LPCAT2: variants seen among roughly 807,000 people sequenced by gnomAD.
The protein encoded by LPCAT2 is lysophosphatidylcholine acyltransferase 2, also known as 1-AGP acyltransferase 11.
LPCAT2 carries 58 observed loss-of-function variants against 64.7 expected under a neutral mutation model. That is an observed-to-expected ratio of 0.90 (90% CI 0.73 to 1.12). The LOEUF is 1.12. LPCAT2 is among the 50% of genes most tolerant of loss of function. The pLI, the probability that LPCAT2 is intolerant of heterozygous loss-of-function variation, is 0.00. For synonymous variants in LPCAT2, 252 were observed against 245.3 expected, an observed-to-expected ratio of 1.03 and a Z score of -0.26; for missense variants, 579 against 669.8, an observed-to-expected ratio of 0.86 and a Z score of 1.50.
intron 8 of LPCAT2, among the ~76,000 whole-genome samples, chr16:55,544,918 A>G (rs1963436863): frequency 6.6e-6 from 1 of 152,206 alleles, no homozygotes; most frequent in Non-Finnish European, 1.5e-5. Flanking sequence ...AATTGGGGGT[A>G]ATAAGGGTAA....
intron 11 of LPCAT2, among the ~76,000 whole-genome samples, chr16:55,562,438 C>T (rs1360545141): frequency 1.3e-5 from 2 of 151,880 alleles, no homozygotes; most frequent in East Asian, 3.8e-4. Flanking sequence ...GTACTAGCTG[C>T]GTGACCTTGG....
chr16:55,515,191 T>G (rs1962992908), intron 1 of LPCAT2, among the ~76,000 whole-genome samples: 2 of 152,078 alleles, frequency 1.3e-5, no homozygotes, highest in African/African-American at 4.8e-5. Context: ...AACACTAATC[T>G]GCCTTCCCAA....
intron 11 of LPCAT2, chr16:55,567,306 C>CT: frequency 2.5e-6 from 4 of 1,613,614 alleles, no homozygotes; most frequent in Non-Finnish European, 3.4e-6. Flanking sequence ...CGCAGGCTTC[C>CT]AGCTAAATGA....
In LPCAT2 at chr16:55,586,187, A is replaced by G. The variant is rs1963943885; in HGVS notation, c.*3089A>G. On this transcript the variant is annotated 3_prime_UTR_variant, in exon 14 of 14. Transcript: ENST00000262134. The stretch of plus-strand genomic sequence containing the variant: ...CACATATATTCAAAATACATATCAC[A>G]AACTTTGGTAAATAGGATAGTAATC... The G allele has an allele frequency of 6.6e-6, 1 of 152,150 alleles. No homozygotes were observed. The highest frequency in any genetic ancestry group is 2.1e-4 in the South Asian group (1 of 4,824). The allele number at this position is 152,150 out of a possible 1,614,324, so 9.4% of individuals were successfully genotyped here.
At chr16:55,577,817 C>A (rs1188761147) in intron 12 of LPCAT2, among the ~76,000 whole-genome samples, 1 of 152,072 alleles carries the variant, frequency 6.6e-6, no homozygotes, top group Non-Finnish European at 1.5e-5. Flanking sequence ...ATCTCTTTCC[C>A]TTTGTTTCAT....
chr16:55,552,323 A>T (rs1044693158), intron 11 of LPCAT2, among the ~76,000 whole-genome samples: 1 of 152,204 alleles, frequency 6.6e-6, no homozygotes, highest in Non-Finnish European at 1.5e-5. Flanking sequence ...TAGATGTACC[A>T]TAGTTACTTT....
At chr16:55,558,424 A>T (rs7190736) in intron 11 of LPCAT2, among the ~76,000 whole-genome samples, 13,371 of 152,292 alleles carry the variant, frequency 0.088, 837 homozygotes, top group African/African-American at 0.17. Context: ...TTCTGTACCT[A>T]TAAAACAGTT....
chr16:55,541,536 A>C lies in LPCAT2; in HGVS notation c.852+3904A>C, dbSNP rs184189306. The C allele has an allele frequency of 1.0e-4, 17 of 169,080 alleles. No homozygotes were observed. The East Asian group carries it at 1.3e-3, about 13-fold the overall frequency. 10.5% of individuals were successfully genotyped at this position (169,080 alleles called of 1,614,324 possible). A position where few individuals can be genotyped will look rare whatever the true frequency, so the allele number is the denominator to read the frequency against. ...CATACAACTACACACACACACACAC[A>C]CCCTACATATATACTTGTTCTAACA... On this transcript the variant is annotated intron_variant, in intron 8 of 13. Coordinates refer to ENST00000262134, the MANE Select transcript of LPCAT2 (RefSeq NM_017839.5).
intron 6 of LPCAT2, 77 bp from the exon 7 acceptor site, chr16:55,534,366 C>A: frequency 1.2e-6 from 1 of 832,256 alleles, no homozygotes; most frequent in Non-Finnish European, 2.0e-6. Context: ...ACATGAATCC[C>A]CATATTAAAA....
chr16:55,555,148 G>A (rs1963559901), intron 11 of LPCAT2, among the ~76,000 whole-genome samples: 1 of 152,178 alleles, frequency 6.6e-6, no homozygotes, highest in Non-Finnish European at 1.5e-5. Flanking sequence ...TGATAGACTT[G>A]CTCATACAGG....
chr16:55,574,858 T>C (rs1247896876), intron 12 of LPCAT2, 129 bp downstream of exon 12: 3 of 650,596 alleles, frequency 4.6e-6, no homozygotes, highest in Non-Finnish European at 8.1e-6. Context: ...TACAGGACAA[T>C]AATGTGATTA....
At chr16:55,513,914 CAG>C (rs1269381663) in intron 1 of LPCAT2, among the ~76,000 whole-genome samples, 3 of 152,100 alleles carry the variant, frequency 2.0e-5, no homozygotes, top group Non-Finnish European at 4.4e-5. Context: ...CAAAAACAAT[CAG>C]AGGAAAGCGA....
intron 11 of LPCAT2, among the ~76,000 whole-genome samples, chr16:55,568,020 A>C (rs1963726700): frequency 6.6e-6 from 1 of 152,204 alleles, no homozygotes; most frequent in African/African-American, 2.4e-5. Flanking sequence ...GCTTTTTAGG[A>C]AACTTATTTA....
intron 11 of LPCAT2, chr16:55,567,325 A>T (rs781581398): frequency 9.9e-6 from 16 of 1,613,568 alleles, no homozygotes; most frequent in South Asian, 9.9e-5. Context: ...GAACAACTTT[A>T]CCAAATGATT....
intron 11 of LPCAT2, among the ~76,000 whole-genome samples, chr16:55,570,460 C>CA (rs1290110494): frequency 2.6e-5 from 4 of 151,972 alleles, no homozygotes; most frequent in Non-Finnish European, 1.5e-5. Context: ...CCCGTTTCAA[C>CA]AAAAAAATTT....
intron 12 of LPCAT2, among the ~76,000 whole-genome samples, chr16:55,576,276 T>A (rs747424355): frequency 2.0e-5 from 3 of 152,200 alleles, no homozygotes; most frequent in East Asian, 1.9e-4. Flanking sequence ...TTTGGAAGTA[T>A]TTTTGCATAC....
intron 1 of LPCAT2, among the ~76,000 whole-genome samples, chr16:55,514,733 C>G (rs753378810): frequency 6.6e-6 from 1 of 151,992 alleles, no homozygotes; most frequent in Non-Finnish European, 1.5e-5. Flanking sequence ...ACAAACTTTC[C>G]CTGAGAAAGC....
chr16:55,563,477 A>G (rs1168308146), intron 11 of LPCAT2, among the ~76,000 whole-genome samples: 1 of 151,960 alleles, frequency 6.6e-6, no homozygotes, highest in Non-Finnish European at 1.5e-5. Flanking sequence ...AGCAAACACA[A>G]TTCAACAGCA....
intron 1 of LPCAT2, 40 bp downstream of exon 1, chr16:55,509,392 G>T: frequency 7.5e-7 from 1 of 1,334,450 alleles, no homozygotes; most frequent in Non-Finnish European, 9.7e-7. Context: ...GGTCTGAGGG[G>T]GGCCTAGGTC....
Sources: gnomAD v4.1 joint callset for allele counts (sites outside exome capture counted in the v4.1 genomes callset) on GRCh38, gnomAD v4.1.1 for gene constraint, MANE v1.5 for transcripts, NCBI Gene and HGNC (gene_info 2026-07-23, HGNC 2026-07-21) for gene names.